CNTN1: variants seen among roughly 807,000 people sequenced by gnomAD.
CNTN1 encodes contactin 1.
In CNTN1, 38 loss-of-function variants were observed where a neutral mutation model predicts 126.4. That is an observed-to-expected ratio of 0.30 (90% CI 0.23 to 0.39). The LOEUF is 0.39. Ranked by LOEUF, CNTN1 falls within the 10% of genes least tolerant of loss-of-function variation. The pLI is 1.00. For missense variants in CNTN1, 1,009 were observed against 1,248.4 expected, an observed-to-expected ratio of 0.81 and a Z score of 2.89; for synonymous variants, 413 against 422.6, an observed-to-expected ratio of 0.98 and a Z score of 0.28.
chr12:40,943,689 G>C lies in CNTN1; in HGVS notation c.1472G>C (p.Gly491Ala), dbSNP rs1946338894. 6.2e-7 allele frequency: 1 copy of C among 1,612,466 alleles called. No individual in the cohort carries two copies. The highest frequency in any genetic ancestry group is 1.3e-5 in the African/African-American group (1 of 74,804). Residue 491 changes from glycine to alanine, a missense_variant, in exon 13 of 24, where the codon GGG (glycine) becomes GCG (alanine). Physicochemically the swap from Gly to Ala is moderately conservative, Grantham distance 60. Coordinates refer to ENST00000551295, the MANE Select transcript of CNTN1 (RefSeq NM_001843.4). ...ACATGCTTTGCAGAAAATAACAGAGGGAAAGCTAATAGCACTGGAACCCTT... is the reference window on the plus strand; with the variant it reads ...ACATGCTTTGCAGAAAATAACAGAGCGAAAGCTAATAGCACTGGAACCCTT... ...IYTCFAENNR[G>A]KANSTGTLVI...
intron 4 of CNTN1, among the ~76,000 whole-genome samples, chr12:40,920,542 T>A (rs568673790): frequency 6.6e-6 from 1 of 152,206 alleles, no homozygotes; most frequent in East Asian, 1.9e-4. Context: ...AATCAGCTCA[T>A]GATGGAAATA....
intron 1 of CNTN1, among the ~76,000 whole-genome samples, chr12:40,876,057 T>C (rs1281283485): frequency 1.3e-5 from 2 of 151,962 alleles, no homozygotes; most frequent in African/African-American, 4.8e-5. Flanking sequence ...ATATTTTTAA[T>C]TTTGATATGA....
chr12:41,027,755 T>A, intron 21 of CNTN1, 102 bp from the exon 22 acceptor site: 1 of 768,356 alleles, frequency 1.3e-6, no homozygotes, highest in East Asian at 2.6e-5. Flanking sequence ...AACTAGATGG[T>A]GGTGGTCATT....
chr12:40,864,959 C>CA (rs71434337), intron 1 of CNTN1, among the ~76,000 whole-genome samples: 104,877 of 152,006 alleles, frequency 0.69, 36,869 homozygotes, highest in African/African-American at 0.84. Context: ...TTTCCACCAG[C>CA]ATGAATAAAG....
chr12:40,796,350 G>C (rs1940429378), intron 1 of CNTN1, among the ~76,000 whole-genome samples: 1 of 151,946 alleles, frequency 6.6e-6, no homozygotes, highest in South Asian at 2.1e-4. Context: ...TTAGACTAGG[G>C]CTCTTCAGAA....
chr12:40,724,003 C>G (rs1942286415), intron 1 of CNTN1, among the ~76,000 whole-genome samples: 1 of 152,008 alleles, frequency 6.6e-6, no homozygotes, highest in South Asian at 2.1e-4. Context: ...TATATTCTGC[C>G]TTGGTATAAA....
Position 40,974,436 on chromosome 12 carries a change from C to CATAAAAATAAAAA in CNTN1, c.1805-6452_1805-6440dup, listed in dbSNP as rs1191445601. Among the ~76,000 whole-genome samples, 142 of 150,740 alleles carry CATAAAAATAAAAA rather than the reference C, an allele frequency of 9.4e-4. 1 individual carries two copies. In the East Asian group the frequency reaches 0.016, roughly 17 times the overall value. ...AGGCAACGTGGTGAAACCTCATCTC[C>CATAAAAATAAAAA]ATAAAAATAAAAAATAAAAATAAAA... On this transcript the variant is annotated intron_variant, in intron 15 of 23. Coordinates refer to ENST00000551295, the MANE Select transcript of CNTN1 (RefSeq NM_001843.4).
At chr12:41,067,659 T>C (rs2121153077) in intron 23 of CNTN1, among the ~76,000 whole-genome samples, 1 of 150,654 alleles carries the variant, frequency 6.6e-6, no homozygotes, top group South Asian at 2.1e-4. Flanking sequence ...GAGATATACC[T>C]AATGCTAGAT....
chr12:40,807,952 T>G (rs2136497485), intron 1 of CNTN1, among the ~76,000 whole-genome samples: 1 of 152,320 alleles, frequency 6.6e-6, no homozygotes, highest in East Asian at 1.9e-4. Flanking sequence ...ATGCCTGTGA[T>G]GAAGCAAATT....
intron 1 of CNTN1, among the ~76,000 whole-genome samples, chr12:40,752,541 C>T (rs1269513130): frequency 2.0e-5 from 3 of 152,040 alleles, no homozygotes; most frequent in Admixed American, 1.3e-4. Context: ...ACATTCTCCC[C>T]TTAGTGCTGA....
At chr12:40,799,887 T>C (rs1379471500) in intron 1 of CNTN1, among the ~76,000 whole-genome samples, 2 of 151,602 alleles carry the variant, frequency 1.3e-5, no homozygotes, top group Non-Finnish European at 3.0e-5. Context: ...ATAAATACAG[T>C]GAGGTTTAAT....
chr12:40,870,558 C>T (rs924471954), intron 1 of CNTN1, among the ~76,000 whole-genome samples: 4 of 152,094 alleles, frequency 2.6e-5, no homozygotes, highest in Non-Finnish European at 4.4e-5. Context: ...ACATTTCTGG[C>T]AGTCCTGGGC....
At chr12:40,776,917 A>G (rs1939604620) in intron 1 of CNTN1, among the ~76,000 whole-genome samples, 1 of 151,328 alleles carries the variant, frequency 6.6e-6, no homozygotes, top group South Asian at 2.1e-4. Flanking sequence ...ACACTTTTAT[A>G]CTGTTATTTT....
chr12:40,927,399 C>T (rs1304895711), intron 6 of CNTN1, among the ~76,000 whole-genome samples: 14 of 151,982 alleles, frequency 9.2e-5, no homozygotes, highest in East Asian at 1.9e-4. Flanking sequence ...GGAGAGTCAG[C>T]GTGGCTATTG....
intron 1 of CNTN1, among the ~76,000 whole-genome samples, chr12:40,776,323 A>G (rs1166050656): frequency 6.6e-6 from 1 of 151,642 alleles, no homozygotes; most frequent in Non-Finnish European, 1.5e-5. Context: ...AAATTCACTG[A>G]ATTGCACACT....
chr12:40,779,058 T>A (rs1939695964), intron 1 of CNTN1, among the ~76,000 whole-genome samples: 1 of 151,856 alleles, frequency 6.6e-6, no homozygotes, highest in African/African-American at 2.4e-5. Flanking sequence ...CTTACTCAAA[T>A]ACTAGCTGTA....
intron 1 of CNTN1, among the ~76,000 whole-genome samples, chr12:40,777,251 TA>T (rs1939625491): frequency 6.6e-6 from 1 of 151,336 alleles, no homozygotes; most frequent in Non-Finnish European, 1.5e-5. Flanking sequence ...TTTTTTTTTT[TA>T]ATTCTCTATA....
intron 3 of CNTN1, among the ~76,000 whole-genome samples, chr12:40,911,369 C>T (rs1028718014): frequency 2.6e-5 from 4 of 152,168 alleles, no homozygotes; most frequent in African/African-American, 7.2e-5. Flanking sequence ...CGTGAGCCAC[C>T]GTGCCCGGCC....
chr12:40,969,538 T>C (rs534158282), intron 15 of CNTN1, among the ~76,000 whole-genome samples: 48 of 152,308 alleles, frequency 3.2e-4, no homozygotes, highest in African/African-American at 1.0e-3. Flanking sequence ...TCCATCATCA[T>C]GTTTAACTGT....
Sources: gnomAD v4.1 joint callset for allele counts (sites outside exome capture counted in the v4.1 genomes callset) on GRCh38, gnomAD v4.1.1 for gene constraint, MANE v1.5 for transcripts, NCBI Gene and HGNC (gene_info 2026-07-23, HGNC 2026-07-21) for gene names.